NLRC4: variants seen among roughly 807,000 people sequenced by gnomAD.
The protein encoded by NLRC4 is NLR family CARD domain-containing protein 4.
NLRC4 carries 63 observed loss-of-function variants against 79.9 expected under a neutral mutation model. The observed-to-expected ratio is 0.79, with a 90% confidence interval of 0.64 to 0.97. The LOEUF (loss-of-function observed/expected upper bound fraction) is 0.97, where lower values mean the gene tolerates loss of function less well. NLRC4 is among the 50% of genes least tolerant of loss of function. The probability of loss-of-function intolerance (pLI) is 0.00; values close to 1 mark genes in which losing one functional copy is unlikely to be tolerated. For missense variants in NLRC4, 1,074 were observed against 1,215.2 expected (o/e 0.88, Z 1.73); for synonymous variants, 461 against 456.5 (o/e 1.01, Z -0.12).
chr2:32,261,120 G>A (rs1297632249), intron 1 of NLRC4, among the ~76,000 whole-genome samples: 3 of 150,592 alleles, frequency 2.0e-5, no homozygotes, highest in Non-Finnish European at 4.4e-5. Flanking sequence ...GTGAACCCGG[G>A]GGGCGGAGCT....
At chr2:32,233,346 T>A (rs1437894616) in intron 8 of NLRC4, among the ~76,000 whole-genome samples, 10 of 34,076 alleles carry the variant, frequency 2.9e-4, no homozygotes, top group Admixed American at 3.4e-4. Context: ...TATATATATA[T>A]ATATTTTTTT....
intron 4 of NLRC4, among the ~76,000 whole-genome samples, chr2:32,243,633 C>T (rs957232028): frequency 6.6e-6 from 1 of 151,272 alleles, no homozygotes; most frequent in Non-Finnish European, 1.5e-5. Context: ...AACCCTGTCT[C>T]TACTAAAAAT....
intron 1 of NLRC4, among the ~76,000 whole-genome samples, chr2:32,257,345 C>T (rs903985513): frequency 1.6e-4 from 25 of 152,190 alleles, no homozygotes; most frequent in Admixed American, 3.3e-4. Flanking sequence ...CGGTGGCTCA[C>T]GCCTGTAATC....
rs1402390388 is a variant in NLRC4, at chr2:32,254,736, G to A, written c.1+2039C>T. On this transcript the variant is annotated intron_variant, in intron 2 of 8. Transcript: ENST00000402280. Reference sequence around the variant, plus strand: ...CAGGTTCAAGCAATTCCCCTGCCTCGGCCTCCCAAGCAGCTGGGATTACAG... The same window carrying A: ...CAGGTTCAAGCAATTCCCCTGCCTCAGCCTCCCAAGCAGCTGGGATTACAG... 4.0e-5 allele frequency among the ~76,000 whole-genome samples: 6 copies of A among 150,306 alleles called. No homozygotes were observed. The East Asian group carries it at 7.9e-4, about 20-fold the overall frequency.
At chr2:32,245,471 C>CTGGGAAGGGTAGTAGGGAGGAGG (rs1686913564) in intron 4 of NLRC4, among the ~76,000 whole-genome samples, 1 of 151,484 alleles carries the variant, frequency 6.6e-6, no homozygotes, top group Middle Eastern at 3.2e-3. Flanking sequence ...TTACCAGAGG[C>CTGGGAAGGGTAGTAGGGAGGAGG]TGGGAAGGGT....
chr2:32,243,773 G>C (rs1686861989), intron 4 of NLRC4, among the ~76,000 whole-genome samples: 1 of 148,942 alleles, frequency 6.7e-6, no homozygotes, highest in African/African-American at 2.5e-5. Context: ...ACTCAGCCTG[G>C]TGACACAGCA....
intron 2 of NLRC4, 101 bp from the exon 3 acceptor site, chr2:32,252,780 A>G (rs1687111348): frequency 8.3e-6 from 8 of 964,162 alleles, no homozygotes; most frequent in South Asian, 1.6e-5. Context: ...GCACTTTGGG[A>G]GGCCGAGGCG....
chr2:32,233,349 A>ATTTT lies in NLRC4; in HGVS notation c.2782+2048_2782+2051dup, dbSNP rs1176305976. Reference sequence around the variant, plus strand: ...TATATATATATATATATATATATATATTTTTTTTTTTTTTTTTTTAATTGT... The same window carrying ATTTT: ...TATATATATATATATATATATATATATTTTTTTTTTTTTTTTTTTTTTTAATTGT... On this transcript the variant is annotated intron_variant, in intron 8 of 8. Coordinates refer to ENST00000402280, the MANE Select transcript of NLRC4 (RefSeq NM_001199138.2). Among the ~76,000 whole-genome samples the ATTTT allele has an allele frequency of 2.0e-3, 84 of 41,100 alleles. 2 individuals are homozygous for ATTTT. Among genetic ancestry groups the ATTTT allele is most frequent in the African/African-American group, 7.3e-3 (77 of 10,482 alleles). 27.0% of individuals were successfully genotyped at this position (41,100 alleles called of 152,430 possible). A position where few individuals can be genotyped will look rare whatever the true frequency, so the allele number is the denominator to read the frequency against.
chr2:32,251,560 C>T lies in NLRC4; in HGVS notation c.304G>A (p.Ala102Thr), dbSNP rs1184125567. ...QTSEGDLDDL[A>T]QDLKDLYHTP... is the part of the protein sequence containing the mutation. ...TGGTACAAGTCCTTTAAATCCTGAG[C>T]CAAATCGTCCAAGTCTCCTTCTGAT... Residue 102 changes from alanine to threonine, a missense_variant, in exon 4 of 9, where the codon GCT becomes ACT. Ala to Thr is a moderately conservative substitution (Grantham distance 58, BLOSUM62 0). Transcript: ENST00000402280. 6.2e-7 allele frequency: 1 copy of T among 1,609,872 alleles called. No homozygotes were observed. The highest frequency in any genetic ancestry group is 1.1e-5 in the South Asian group (1 of 90,358).
intron 8 of NLRC4, among the ~76,000 whole-genome samples, chr2:32,228,779 C>CT (rs1204632361): frequency 6.8e-6 from 1 of 147,368 alleles, no homozygotes; most frequent in African/African-American, 2.5e-5. Flanking sequence ...TTTTTTTTTT[C>CT]TTTTTTTGAG....
chr2:32,229,473 C>G (rs1447580326), intron 8 of NLRC4, among the ~76,000 whole-genome samples: 1 of 151,872 alleles, frequency 6.6e-6, no homozygotes, highest in East Asian at 1.9e-4. Flanking sequence ...CAGCCTGGAA[C>G]AAAACAAACA....
intron 8 of NLRC4, among the ~76,000 whole-genome samples, chr2:32,227,093 C>T (rs959161003): frequency 6.6e-6 from 1 of 151,958 alleles, no homozygotes; most frequent in Admixed American, 6.6e-5. Context: ...CCCTCTTCTA[C>T]TAGGTTGAAA....
rs753274448 is a variant in NLRC4, at chr2:32,238,278, T to A, written c.2375A>T (p.Lys792Met). The A allele has an allele frequency of 4.3e-6, 7 of 1,610,874 alleles. No individual in the cohort carries two copies. Among genetic ancestry groups the A allele is most frequent in the Non-Finnish European group, 5.9e-6 (7 of 1,179,016 alleles). Residue 792 changes from lysine (K) to methionine (M), a missense_variant, in exon 6 of 9, where the codon AAG (lysine) becomes ATG (methionine). By Grantham distance (95) the Lys-to-Met change is moderately conservative. Transcript: ENST00000402280. ...GTGGGTCAAATGAAATAAACACATCTTCTTCAGGTTTTTCAGGCCTTCAGC... is the reference window on the plus strand; with the variant it reads ...GTGGGTCAAATGAAATAAACACATCATCTTCAGGTTTTTCAGGCCTTCAGC... ...KLAEGLKNLK[K>M]MCLFHLTHLS...
At position 32,224,591 on chromosome 2, in the gene NLRC4, T is replaced by C. The variant is rs552117780; in HGVS notation, c.2957A>G (p.Lys986Arg). 84 of 1,613,960 alleles carry C rather than the reference T, an allele frequency of 5.2e-5. No homozygotes were observed. In the South Asian group the frequency reaches 8.3e-4, roughly 16 times the overall value. Residue 986 changes from lysine (K) to arginine (R), a missense_variant, in exon 9 of 9, where the codon AAA becomes AGA. Coordinates refer to ENST00000402280, the MANE Select transcript of NLRC4 (RefSeq NM_001199138.2). ...EFLPDPALVR[K>R]LSQVLSKLTF... ...TAACTTGGATAACACTTGGCTAAGTTTTCTGACTAATGCTGGATCAGGTAG... is the reference window on the plus strand; with the variant it reads ...TAACTTGGATAACACTTGGCTAAGTCTTCTGACTAATGCTGGATCAGGTAG...
chr2:32,251,450 G>T lies in NLRC4; in HGVS notation c.414C>A (p.Val138=). 1 of 1,614,086 alleles carries T rather than the reference G, an allele frequency of 6.2e-7. No individual in the cohort carries two copies. Among genetic ancestry groups the T allele is most frequent in the Non-Finnish European group, 8.5e-7 (1 of 1,179,986 alleles). Residue 138 remains valine (V), a synonymous_variant, in exon 4 of 9, where the codon GTC becomes GTA. Coordinates refer to ENST00000402280, the MANE Select transcript of NLRC4 (RefSeq NM_001199138.2). ...FNLKSTFTEP[V]LWRKDQHHHR... is the part of the protein sequence containing the mutation. ...GATGGTGTTGGTCCTTCCTCCACAG[G>T]ACAGGTTCTGTGAAGGTGCTTTTCA... is the stretch of plus-strand genomic sequence containing the variant.
intron 5 of NLRC4, among the ~76,000 whole-genome samples, chr2:32,239,589 T>C (rs1192571539): frequency 6.6e-6 from 1 of 152,210 alleles, no homozygotes; most frequent in African/African-American, 2.4e-5. Flanking sequence ...GGGGATTCAA[T>C]GGAATGAGGT....
At chr2:32,254,957 G>T (rs944277112) in intron 2 of NLRC4, among the ~76,000 whole-genome samples, 3 of 151,762 alleles carry the variant, frequency 2.0e-5, no homozygotes, top group Admixed American at 2.0e-4. Flanking sequence ...ATCAGAGAGG[G>T]AATGCACTCC....
At chr2:32,252,850 C>G (rs1353811235) in intron 2 of NLRC4, among the ~76,000 whole-genome samples, 171 bp from the exon 3 acceptor site, 2 of 151,992 alleles carry the variant, frequency 1.3e-5, no homozygotes, top group Non-Finnish European at 2.9e-5. Flanking sequence ...AACCCTGTCT[C>G]TACTAAAAAT....
In NLRC4 at chr2:32,251,606, T is replaced by C. The variant is rs1271811878; in HGVS notation, c.263-5A>G. 6.4e-7 allele frequency: 1 copy of C among 1,573,626 alleles called. No individual in the cohort carries two copies. The highest frequency in any genetic ancestry group is 2.2e-5 in the East Asian group (1 of 44,672). ...CTGATGTCTGATGAAAAAGACCTAT[T>C]AGAGAAGAGGTGATGTTAAAGAAGA... On this transcript the variant is annotated splice_region_variant and splice_polypyrimidine_tract_variant and intron_variant, in intron 3 of 8. Transcript: ENST00000402280.
Sources: allele counts gnomAD v4.1 joint callset (sites outside exome capture counted in the v4.1 genomes callset), GRCh38; gene constraint gnomAD v4.1.1; transcripts MANE v1.5; gene names NCBI Gene and HGNC (gene_info 2026-07-23, HGNC 2026-07-21).